Variants in PRR5L observed in about 807,000 individuals in gnomAD.
PRR5L encodes the protein proline rich 5 like, also known as proline-rich protein 5-like.
In PRR5L, 21 loss-of-function variants were observed where a neutral mutation model predicts 36.4. That is an observed-to-expected ratio of 0.58 (90% CI 0.41 to 0.83). The LOEUF is 0.83. Ranked by LOEUF, PRR5L falls within the 40% of genes least tolerant of loss-of-function variation. The pLI, the probability that PRR5L is intolerant of heterozygous loss-of-function variation, is 0.00. For synonymous variants in PRR5L, 188 were observed against 197.0 expected (o/e 0.95, Z 0.38); for missense variants, 381 against 473.3 (o/e 0.80, Z 1.81).
At position 36,350,988 on chromosome 11, in the gene PRR5L, T is replaced by TTA. The variant is rs1239348792; in HGVS notation, c.-125-50003_-125-50002dup. Among the ~76,000 whole-genome samples the TTA allele has an allele frequency of 1.6e-3, 120 of 76,150 alleles. 10 individuals are homozygous for TTA. Among genetic ancestry groups the TTA allele is most frequent in the Non-Finnish European group, 1.8e-3 (73 of 41,292 alleles). The allele number at this position is 76,150 out of a possible 152,430, so 50.0% of individuals were successfully genotyped here. A position where few individuals can be genotyped will look rare whatever the true frequency, so the allele number is the denominator to read the frequency against. ...TATATATTTATATATATTTATATAT[T>TTA]TATATATTTATATATATTTATATAG... is the stretch of plus-strand genomic sequence containing the variant. On this transcript the variant is annotated intron_variant, in intron 1 of 8. Transcript: ENST00000530639.
At chr11:36,362,266 C>T (rs992796566) in intron 1 of PRR5L, 4 of 152,112 alleles carry the variant, frequency 2.6e-5, no homozygotes, top group Admixed American at 6.6e-5. Context: ...GACTCTGACT[C>T]ACTGAAACGG....
intron 1 of PRR5L, among the ~76,000 whole-genome samples, chr11:36,382,330 G>T (rs558907975): frequency 6.6e-6 from 1 of 152,226 alleles, no homozygotes; most frequent in Non-Finnish European, 1.5e-5. Context: ...TGACCATGGT[G>T]AGTTGCTCAG....
At chr11:36,461,352 G>C (rs1859175217) in intron 8 of PRR5L, among the ~76,000 whole-genome samples, 1 of 152,214 alleles carries the variant, frequency 6.6e-6, no homozygotes. Context: ...GCCGGACGTG[G>C]TGGCTCACAC....
intron 8 of PRR5L, among the ~76,000 whole-genome samples, chr11:36,461,403 A>T (rs1273260733): frequency 1.3e-5 from 2 of 152,092 alleles, no homozygotes; most frequent in Non-Finnish European, 2.9e-5. Flanking sequence ...CGGGTGGATC[A>T]CCTGAGGTCA....
chr11:36,362,430 G>C lies in PRR5L; in HGVS notation c.-125-38567G>C, dbSNP rs1043084388. Among the ~76,000 whole-genome samples the C allele has an allele frequency of 9.0e-4, 136 of 151,448 alleles. No homozygotes were observed. In the Middle Eastern group the frequency reaches 0.014, roughly 15 times the overall value. On this transcript the variant is annotated intron_variant, in intron 1 of 8. Coordinates refer to ENST00000530639, the MANE Select transcript of PRR5L (RefSeq NM_001160167.2). ...AGTTTCACACATCACCCTTGGCGGG[G>C]TGGGGGTGGGCGGACGGGGGCGGTG...
At chr11:36,370,325 G>A (rs568180209) in intron 1 of PRR5L, among the ~76,000 whole-genome samples, 1 of 152,266 alleles carries the variant, frequency 6.6e-6, no homozygotes, top group South Asian at 2.1e-4. Flanking sequence ...CATCCTTGAT[G>A]ACCCTATGTA....
At chr11:36,304,095 A>T (rs536273902) in intron 1 of PRR5L, among the ~76,000 whole-genome samples, 1 of 152,332 alleles carries the variant, frequency 6.6e-6, no homozygotes, top group African/African-American at 2.4e-5. Flanking sequence ...GACTGAGGCC[A>T]TTCCTCAGTT....
At chr11:36,345,353 A>AC (rs1856854431) in intron 1 of PRR5L, among the ~76,000 whole-genome samples, 1 of 152,058 alleles carries the variant, frequency 6.6e-6, no homozygotes, top group Non-Finnish European at 1.5e-5. Flanking sequence ...GGGGCGGGTA[A>AC]CCTGCCATAG....
At chr11:36,328,678 C>T (rs1856689443) in intron 1 of PRR5L, among the ~76,000 whole-genome samples, 2 of 152,110 alleles carry the variant, frequency 1.3e-5, no homozygotes, top group African/African-American at 2.4e-5. Context: ...ATGTTTTTCC[C>T]GATGCCAACT....
chr11:36,315,543 A>T (rs1157440481), intron 1 of PRR5L, among the ~76,000 whole-genome samples: 1 of 152,202 alleles, frequency 6.6e-6, no homozygotes, highest in Non-Finnish European at 1.5e-5. Context: ...TGAAAATCTG[A>T]ACTTCTTTTT....
intron 1 of PRR5L, among the ~76,000 whole-genome samples, chr11:36,309,610 T>C (rs114939232): frequency 7.0e-4 from 3 of 4,258 alleles, no homozygotes; most frequent in Non-Finnish European, 1.3e-3. Flanking sequence ...TCTTTTACTG[T>C]TGGTGGTAGT....
At chr11:36,410,015 A>AG (rs912868689) in intron 3 of PRR5L, among the ~76,000 whole-genome samples, 20 of 152,196 alleles carry the variant, frequency 1.3e-4, no homozygotes, top group African/African-American at 4.3e-4. Flanking sequence ...TCATGAGGTA[A>AG]GGGGGGCATT....
chr11:36,337,400 C>T (rs1856779174), intron 1 of PRR5L, among the ~76,000 whole-genome samples: 1 of 150,890 alleles, frequency 6.6e-6, no homozygotes, highest in Admixed American at 6.8e-5. Flanking sequence ...CCATCTAGCC[C>T]TCTAACATCT....
intron 4 of PRR5L, among the ~76,000 whole-genome samples, chr11:36,428,914 A>C (rs1858437092): frequency 6.6e-6 from 1 of 151,894 alleles, no homozygotes; most frequent in Non-Finnish European, 1.5e-5. Context: ...ACCCCTTCTA[A>C]CCTCAAGTTT....
chr11:36,395,880 C>A (rs1857648793), intron 1 of PRR5L, among the ~76,000 whole-genome samples: 1 of 152,012 alleles, frequency 6.6e-6, no homozygotes, highest in Non-Finnish European at 1.5e-5. Flanking sequence ...CACTACCATG[C>A]CTGAATAATT....
At chr11:36,345,447 G>A (rs1443967897) in intron 1 of PRR5L, among the ~76,000 whole-genome samples, 1 of 152,170 alleles carries the variant, frequency 6.6e-6, no homozygotes, top group Non-Finnish European at 1.5e-5. Context: ...TAGGGATTGT[G>A]CCCCGTGGAT....
At chr11:36,351,428 T>A (rs1356485169) in intron 1 of PRR5L, among the ~76,000 whole-genome samples, 4 of 63,586 alleles carry the variant, frequency 6.3e-5, no homozygotes, top group African/African-American at 2.5e-4. Flanking sequence ...TATATTTATA[T>A]ATTTATATAT....
At chr11:36,457,558 T>G (rs331468) in intron 8 of PRR5L, among the ~76,000 whole-genome samples, 1 of 151,490 alleles carries the variant, frequency 6.6e-6, no homozygotes, top group Non-Finnish European at 1.5e-5. Context: ...GTGAGCCAAG[T>G]TCGCGCCACT....
intron 1 of PRR5L, among the ~76,000 whole-genome samples, chr11:36,397,067 CT>C (rs11300346): frequency 0.035 from 4,511 of 130,526 alleles, 149 homozygotes; most frequent in African/African-American, 0.11. Context: ...GTTTTCTTTT[CT>C]TTTTTTTTTT....
Sources: allele counts gnomAD v4.1 joint callset (sites outside exome capture counted in the v4.1 genomes callset), GRCh38; gene constraint gnomAD v4.1.1; transcripts MANE v1.5; gene names NCBI Gene and HGNC (gene_info 2026-07-23, HGNC 2026-07-21).